Variants in LEKR1 observed in about 807,000 individuals in gnomAD.
The protein encoded by LEKR1 is protein LEKR1.
A neutral mutation model predicts 72.4 loss-of-function variants in LEKR1; 59 were observed. The ratio of observed to expected loss-of-function variants is 0.82; its 90% CI spans 0.66 to 1.01. LEKR1 has a LOEUF of 1.01. LEKR1 is among the 50% of genes least tolerant of loss of function. LEKR1 has a pLI of 0.00. For synonymous variants in LEKR1, 257 were observed against 263.2 expected (o/e 0.98, Z 0.23); for missense variants, 728 against 759.2 (o/e 0.96, Z 0.48).
chr3:156,876,430 C>A (rs1480655124), intron 3 of LEKR1, among the ~76,000 whole-genome samples: 1 of 152,108 alleles, frequency 6.6e-6, no homozygotes, highest in Non-Finnish European at 1.5e-5. Context: ...GCAGTATGGT[C>A]ATTTTCACAA....
chr3:156,920,493 T>C (rs1372867081), intron 3 of LEKR1, 82 bp from the exon 4 acceptor site: 1 of 837,612 alleles, frequency 1.2e-6, no homozygotes, highest in Non-Finnish European at 1.8e-6. Context: ...CTCCTTTTTA[T>C]TAAAAGTAAG....
intron 3 of LEKR1, among the ~76,000 whole-genome samples, chr3:156,919,660 T>G (rs1007275835): frequency 6.6e-6 from 1 of 152,242 alleles, no homozygotes; most frequent in Non-Finnish European, 1.5e-5. Flanking sequence ...AGAAATAGAT[T>G]AATAACTGTT....
rs1017773376 is a variant in LEKR1 at position 156,945,513 on chromosome 3, G to A, written c.745+2799G>A. 1.6e-4 allele frequency among the ~76,000 whole-genome samples: 25 copies of A among 151,690 alleles called. 1 individual carries two copies. Among genetic ancestry groups the A allele is most frequent in the Admixed American group, 1.6e-3 (24 of 15,162 alleles). ...CCTGCGCTTGTGGGGTATTACTCAA[G>A]AAACTTTTGCCTAGTCCAATGTCCT... On this transcript the variant is annotated intron_variant, in intron 6 of 12. Transcript: ENST00000356539.
chr3:156,931,169 C>T (rs1280306228), intron 5 of LEKR1, among the ~76,000 whole-genome samples: 1 of 151,956 alleles, frequency 6.6e-6, no homozygotes. Context: ...AACTGTTGTC[C>T]CAGTTACATA....
At position 156,964,297 on chromosome 3, in the gene LEKR1, C is replaced by A. The variant is rs190677938; in HGVS notation, c.746-14897C>A. Among the ~76,000 whole-genome samples the A allele has an allele frequency of 3.7e-3, 557 of 152,134 alleles. 6 individuals are homozygous for A. The highest frequency in any genetic ancestry group is 0.027 in the Middle Eastern group (8 of 294). On this transcript the variant is annotated intron_variant, in intron 6 of 12. Coordinates refer to ENST00000356539, the MANE Select transcript of LEKR1 (RefSeq NM_001004316.3). ...CCTCCTATTTTCTTTATTATGAAATCCTTCCATGTCAAAAATATTCATAGT... is the reference window on the plus strand; with the variant it reads ...CCTCCTATTTTCTTTATTATGAAATACTTCCATGTCAAAAATATTCATAGT...
chr3:156,828,875 C>T (rs1711998448), intron 1 of LEKR1, among the ~76,000 whole-genome samples: 1 of 152,050 alleles, frequency 6.6e-6, no homozygotes, highest in African/African-American at 2.4e-5. Context: ...GCCACAATTG[C>T]TTTTTTCATC....
At chr3:156,907,601 TTTGACAC>T (rs943501570) in intron 3 of LEKR1, among the ~76,000 whole-genome samples, 2 of 152,016 alleles carry the variant, frequency 1.3e-5, no homozygotes, top group Admixed American at 6.6e-5. Flanking sequence ...CAGAGATATA[TTTGACAC>T]TTATAGATTA....
chr3:157,033,846 T>C (rs766182528), intron 12 of LEKR1, among the ~76,000 whole-genome samples: 2 of 152,182 alleles, frequency 1.3e-5, no homozygotes, highest in African/African-American at 2.4e-5. Context: ...AGTCTAATTC[T>C]CTCATTAGGA....
chr3:156,899,357 T>C (rs1253737978), intron 3 of LEKR1, among the ~76,000 whole-genome samples: 2 of 129,066 alleles, frequency 1.5e-5, no homozygotes, highest in East Asian at 4.3e-4. Context: ...TATACATGTA[T>C]ATATACATAT....
At chr3:156,913,926 A>C (rs569993683) in intron 3 of LEKR1, among the ~76,000 whole-genome samples, 19 of 152,316 alleles carry the variant, frequency 1.2e-4, no homozygotes, top group African/African-American at 4.3e-4. Context: ...TCATTTACAC[A>C]GATTTTAAAA....
In LEKR1 at chr3:156,924,899, G is replaced by A. The variant is rs115234690; in HGVS notation, c.384-2530G>A. On this transcript the variant is annotated intron_variant, in intron 4 of 12. Coordinates refer to ENST00000356539, the MANE Select transcript of LEKR1 (RefSeq NM_001004316.3). ...TATAATTACTCTAACTTCCTTCTTC[G>A]TTTTCAAAATTGTTTTTGCTATTCT... is the stretch of plus-strand genomic sequence containing the variant. 8.3e-3 allele frequency: 1,336 copies of A among 161,148 alleles called. 13 individuals are homozygous for A. Among genetic ancestry groups the A allele is most frequent in the Middle Eastern group, 0.038 (13 of 340 alleles). 10.0% of individuals were successfully genotyped at this position (161,148 alleles called of 1,614,324 possible).
intron 10 of LEKR1, among the ~76,000 whole-genome samples, chr3:157,020,904 A>C (rs1233236304): frequency 6.6e-6 from 1 of 151,016 alleles, no homozygotes; most frequent in African/African-American, 2.4e-5. Flanking sequence ...AACAGTGTAA[A>C]AGGGTTCCTA....
chr3:157,017,866 G>A (rs900613366), intron 10 of LEKR1, among the ~76,000 whole-genome samples: 2 of 148,488 alleles, frequency 1.3e-5, no homozygotes, highest in Admixed American at 6.8e-5. Flanking sequence ...GGAGAATAGC[G>A]TGAACCCAGG....
chr3:156,828,985 A>C (rs779270260), intron 1 of LEKR1, among the ~76,000 whole-genome samples: 2 of 152,310 alleles, frequency 1.3e-5, no homozygotes, highest in Non-Finnish European at 2.9e-5. Flanking sequence ...TTTAGTCATT[A>C]TGTATTTGAA....
chr3:156,846,768 T>G (rs1714654558), intron 2 of LEKR1, among the ~76,000 whole-genome samples: 1 of 152,146 alleles, frequency 6.6e-6, no homozygotes, highest in Non-Finnish European at 1.5e-5. Context: ...ACAAAAAGCA[T>G]CATATGGGTG....
At chr3:156,829,980 C>T (rs958913447) in intron 2 of LEKR1, among the ~76,000 whole-genome samples, 8 of 152,064 alleles carry the variant, frequency 5.3e-5, no homozygotes, top group Admixed American at 1.3e-4. Context: ...TCATTTACTA[C>T]CATAAAATAT....
At chr3:156,868,076 A>G (rs957068001) in intron 3 of LEKR1, among the ~76,000 whole-genome samples, 3 of 152,086 alleles carry the variant, frequency 2.0e-5, no homozygotes, top group Admixed American at 6.6e-5. Flanking sequence ...ATGTATGCCT[A>G]TAGATGACTG....
intron 3 of LEKR1, among the ~76,000 whole-genome samples, chr3:156,878,896 C>T (rs971258344): frequency 5.9e-5 from 9 of 152,162 alleles, no homozygotes; most frequent in African/African-American, 2.2e-4. Flanking sequence ...TTTCACTTGG[C>T]TCTCATTCTC....
chr3:156,946,756 T>TG (rs2107972154), intron 6 of LEKR1, among the ~76,000 whole-genome samples: 1 of 151,576 alleles, frequency 6.6e-6, no homozygotes, highest in South Asian at 2.1e-4. Flanking sequence ...TTGCATATGT[T>TG]GGACCATCCT....
Sources: gnomAD v4.1 joint callset for allele counts (sites outside exome capture counted in the v4.1 genomes callset) on GRCh38, gnomAD v4.1.1 for gene constraint, MANE v1.5 for transcripts, NCBI Gene and HGNC (gene_info 2026-07-23, HGNC 2026-07-21) for gene names.